GGT6: variants seen among roughly 807,000 people sequenced by gnomAD.
The protein encoded by GGT6 is gamma-glutamyltransferase 6.
In GGT6, 13 loss-of-function variants were observed where a neutral mutation model predicts 17.0. That is an observed-to-expected ratio of 0.77 (90% CI 0.50 to 1.22). The LOEUF is 1.22. Ranked by LOEUF, GGT6 falls within the 50% of genes most tolerant of loss-of-function variation. The probability of loss-of-function intolerance (pLI) is 0.00; values close to 1 mark genes in which losing one functional copy is unlikely to be tolerated. For missense variants in GGT6, 628 were observed against 643.7 expected, an observed-to-expected ratio of 0.98 and a Z score of 0.26; for synonymous variants, 305 against 297.9, an observed-to-expected ratio of 1.02 and a Z score of -0.25.
downstream of GGT6, among the ~76,000 whole-genome samples, chr17:4,556,345 G>A (rs1395689896): frequency 6.6e-6 from 1 of 152,150 alleles, no homozygotes; most frequent in East Asian, 1.9e-4. Flanking sequence ...GGTGGGGTGG[G>A]TGATGGAGTT....
Position 4,558,642 on chromosome 17 carries a change from C to A in GGT6, c.873G>T (p.Glu291Asp). The stretch of plus-strand genomic sequence containing the variant: ...TGGGCCTGGGCACAGCCGAGGGCAC[C>A]TCCACCCCCAGGTCTCCCGCCAGTA... ...LSLLAGDLGV[E>D]VPSAVPRPTL... The change falls in exon 4 of 4, where the codon GAG becomes GAT. Residue 291 changes from glutamate to aspartate, a missense_variant. Glu to Asp is a conservative substitution (Grantham distance 45). Transcript: ENST00000381550. The A allele has an allele frequency of 1.3e-6, 2 of 1,576,404 alleles. No homozygotes were observed. Among genetic ancestry groups the A allele is most frequent in the Non-Finnish European group, 1.7e-6 (2 of 1,161,994 alleles).
In GGT6 at chr17:4,557,780, C is replaced by T. The variant is rs1394094084; in HGVS notation, c.*235G>A. 6.1e-5 allele frequency: 27 copies of T among 443,328 alleles called. No individual in the cohort carries two copies. The highest frequency in any genetic ancestry group is 5.2e-4 in the East Asian group (15 of 28,816). The allele number at this position is 443,328 out of a possible 1,614,324, so 27.5% of individuals were successfully genotyped here. A position where few individuals can be genotyped will look rare whatever the true frequency, so the allele number is the denominator to read the frequency against. On this transcript the variant is annotated 3_prime_UTR_variant, in exon 4 of 4. Transcript: ENST00000381550. The stretch of plus-strand genomic sequence containing the variant: ...AGCTGGGACAACAGGCATGTGCCAC[C>T]GCCCCTGGCAAATTTTTAAATTTTT...
chr17:4,560,266 G>C, intron 1 of GGT6, 116 bp downstream of exon 1: 2 of 1,165,762 alleles, frequency 1.7e-6, no homozygotes, highest in South Asian at 2.8e-5. Context: ...TGACCGTACA[G>C]TGCCTGGAGC....
At chr17:4,560,013 G>A (rs1908525607) in intron 1 of GGT6, 2 of 586,552 alleles carry the variant, frequency 3.4e-6, no homozygotes, top group Non-Finnish European at 6.1e-6. Context: ...ACTCAGGTGG[G>A]AGGGAGGCCC....
chr17:4,556,929 G>T lies in GGT6; in HGVS notation c.*1086C>A, dbSNP rs1349788489. On this transcript the variant is annotated 3_prime_UTR_variant, in exon 4 of 4. Coordinates refer to ENST00000381550, the MANE Select transcript of GGT6 (RefSeq NM_001288702.2). Reference sequence around the variant, plus strand: ...TAACCAAGAAGCAGGAATGGTGCTTGGTTTCCGGGAGACTTGATCTTTATT... The same window carrying T: ...TAACCAAGAAGCAGGAATGGTGCTTTGTTTCCGGGAGACTTGATCTTTATT... 1 of 152,250 alleles carries T rather than the reference G, an allele frequency of 6.6e-6. No individual in the cohort carries two copies. Among genetic ancestry groups the T allele is most frequent in the Non-Finnish European group, 1.5e-5 (1 of 68,066 alleles). 9.4% of individuals were successfully genotyped at this position (152,250 alleles called of 1,614,324 possible). A position where few individuals can be genotyped will look rare whatever the true frequency, so the allele number is the denominator to read the frequency against.
chr17:4,556,677 G>C (rs776427481), downstream of GGT6, among the ~76,000 whole-genome samples: 2 of 152,196 alleles, frequency 1.3e-5, no homozygotes, highest in Non-Finnish European at 2.9e-5. Flanking sequence ...CAAGCCCCTG[G>C]GGCGCCTTCT....
At chr17:4,560,309 A>T in intron 1 of GGT6, 73 bp downstream of exon 1, 1 of 1,572,848 alleles carries the variant, frequency 6.4e-7, no homozygotes, top group Non-Finnish European at 8.7e-7. Flanking sequence ...GGTCCCCCTG[A>T]GGGGCTCCAG....
Position 4,558,413 on chromosome 17 carries a change from C to T in GGT6, c.1102G>A (p.Val368Met). 6.2e-7 allele frequency: 1 copy of T among 1,605,556 alleles called. No individual in the cohort carries two copies. ...TTGAGCGAGGAGGTGAGAAGGAGCA[C>T]AGAGCCGCTGCTGTCCACGGCGGCC... ...ALAAVDSSGS[V>M]LLLTSSLNCS... Residue 368 changes from valine (V) to methionine (M), a missense_variant, in exon 4 of 4, where the codon GTG becomes ATG. Val to Met is a conservative substitution (Grantham distance 21). Transcript: ENST00000381550.
Position 4,558,723 on chromosome 17 carries a change from A to T in GGT6, c.792T>A (p.Leu264=). Residue 264 remains leucine (L), a synonymous_variant, in exon 4 of 4, where the codon CTT becomes CTA. Coordinates refer to ENST00000381550, the MANE Select transcript of GGT6 (RefSeq NM_001288702.2). Reference sequence around the variant, plus strand: ...AGGTGGGAGCGAGGGCTGCGCTGCGAAGCACAGCTGCCAGTTGTGGGTTGG... The same window carrying T: ...AGGTGGGAGCGAGGGCTGCGCTGCGTAGCACAGCTGCCAGTTGTGGGTTGG... ...RATNPQLAAV[L]RSAALAPTSD... is the part of the protein sequence containing the mutation. The T allele has an allele frequency of 6.2e-7, 1 of 1,602,848 alleles. No homozygotes were observed. The highest frequency in any genetic ancestry group is 1.1e-5 in the South Asian group (1 of 89,042).
Position 4,558,666 on chromosome 17 carries a change from T to C in GGT6, c.849A>G (p.Leu283=). ...CCTCCACCCCCAGGTCTCCCGCCAG[T>C]AGACTCAGTAGAGCATCCCCAGCAA... ...SDLAGDALLS[L]LAGDLGVEVP... The change falls in exon 4 of 4, where the codon CTA becomes CTG. Residue 283 remains leucine (L), a synonymous_variant. Transcript: ENST00000381550. 2 of 1,598,040 alleles carry C rather than the reference T, an allele frequency of 1.3e-6. No individual in the cohort carries two copies. The highest frequency in any genetic ancestry group is 1.7e-6 in the Non-Finnish European group (2 of 1,172,188).
rs748987998 is a variant in GGT6 at position 4,560,571 on chromosome 17, G to A, written c.-50C>T. On this transcript the variant is annotated 5_prime_UTR_variant, in exon 1 of 4. Coordinates refer to ENST00000381550, the MANE Select transcript of GGT6 (RefSeq NM_001288702.2). Reference sequence around the variant, plus strand: ...CTCCTGCCTGCCAGCCTTTCCGGCTGTGTCTCAGAGGCCCTGCCCAAGCCT... The same window carrying A: ...CTCCTGCCTGCCAGCCTTTCCGGCTATGTCTCAGAGGCCCTGCCCAAGCCT... 1.0e-5 allele frequency: 16 copies of A among 1,599,750 alleles called. No individual in the cohort carries two copies. The highest frequency in any genetic ancestry group is 1.7e-5 in the Admixed American group (1 of 59,920).
Position 4,558,084 on chromosome 17 carries a change from C to T in GGT6, c.1431G>A (p.Val477=). The change falls in exon 4 of 4, where the codon GTG becomes GTA. Residue 477 remains valine, a synonymous_variant. Coordinates refer to ENST00000381550, the MANE Select transcript of GGT6 (RefSeq NM_001288702.2). ...CATGGGCGTGCTCTGTGTGGGCTGC[C>T]ACCTGGAGCAGGGTCCCTTGGCCAC... is the stretch of plus-strand genomic sequence containing the variant. ...STCGQGTLLQ[V]AAHTEHAHVS... The T allele has an allele frequency of 6.2e-7, 1 of 1,603,140 alleles. No individual in the cohort carries two copies. Among genetic ancestry groups the T allele is most frequent in the Non-Finnish European group, 8.5e-7 (1 of 1,174,024 alleles).
rs543620756 is a variant in GGT6, at chr17:4,560,366, C to T, written c.140+16G>A. On this transcript the variant is annotated intron_variant, in intron 1 of 3. Coordinates refer to ENST00000381550, the MANE Select transcript of GGT6 (RefSeq NM_001288702.2). Reference sequence around the variant, plus strand: ...AAGCCTGGGGAGCCTGGTGCCCAGACCCCTCCCTTACTTACCTGGAAGAGT... The same window carrying T: ...AAGCCTGGGGAGCCTGGTGCCCAGATCCCTCCCTTACTTACCTGGAAGAGT... 5.0e-6 allele frequency: 8 copies of T among 1,614,004 alleles called. No homozygotes were observed. The East Asian group carries it at 1.3e-4, about 27-fold the overall frequency.
chr17:4,558,122 G>C lies in GGT6; in HGVS notation c.1393C>G (p.His465Asp). ...QHQGQQEPTE[H>D]PSTCGQGTLL... The stretch of plus-strand genomic sequence containing the variant: ...GTCCCTTGGCCACAAGTGCTGGGAT[G>C]CTCTGTTGGTTCTTGCTGACCCTGA... Residue 465 changes from histidine (H) to aspartate (D), a missense_variant, in exon 4 of 4, where the codon CAT (histidine) becomes GAT (aspartate). Coordinates refer to ENST00000381550, the MANE Select transcript of GGT6 (RefSeq NM_001288702.2). 1 of 1,613,100 alleles carries C rather than the reference G, an allele frequency of 6.2e-7. No homozygotes were observed. The highest frequency in any genetic ancestry group is 8.5e-7 in the Non-Finnish European group (1 of 1,179,440).
chr17:4,559,372 G>A lies in GGT6; in HGVS notation c.428C>T (p.Ala143Val). The A allele has an allele frequency of 1.3e-6, 2 of 1,551,632 alleles. No individual in the cohort carries two copies. The highest frequency in any genetic ancestry group is 1.7e-6 in the Non-Finnish European group (2 of 1,146,936). Reference protein sequence around the residue: ...DAGVGAALCLAVVHPHATGLG... With the variant: ...DAGVGAALCLVVVHPHATGLG... ...CCCCGTGGCATGAGGATGCACCACT[G>A]CCAGGCACAATGCAGCTCCAACTCC... The change falls in exon 3 of 4, where the codon GCA (alanine) becomes GTA (valine). Residue 143 changes from alanine to valine, a missense_variant. Ala to Val is a moderately conservative substitution (Grantham distance 64, BLOSUM62 0). Coordinates refer to ENST00000381550, the MANE Select transcript of GGT6 (RefSeq NM_001288702.2).
intron 1 of GGT6, 106 bp downstream of exon 1, chr17:4,560,276 C>A: frequency 1.7e-5 from 23 of 1,320,058 alleles, no homozygotes; most frequent in Non-Finnish European, 2.5e-5. Context: ...GTGCCTGGAG[C>A]TAAACCCAGC....
Position 4,559,699 on chromosome 17 carries a change from C to CCAG in GGT6, c.199_201dup (p.Leu67dup). ...CTCACAGCCAGGGAGCAGCCAACAG[C>CCAG]CAGCAGCAGCAGGGCTGCCACTACA... On this transcript the variant is annotated inframe_insertion, in exon 2 of 4. Transcript: ENST00000381550. 1 of 1,610,820 alleles carries CCAG rather than the reference C, an allele frequency of 6.2e-7. No homozygotes were observed. The highest frequency in any genetic ancestry group is 8.5e-7 in the Non-Finnish European group (1 of 1,178,750).
At position 4,557,807 on chromosome 17, in the gene GGT6, G is replaced by T. The variant is rs1016452392; in HGVS notation, c.*208C>A. The T allele has an allele frequency of 6.1e-6, 3 of 492,612 alleles. No homozygotes were observed. Among genetic ancestry groups the T allele is most frequent in the East Asian group, 3.1e-5 (1 of 31,958 alleles). The allele number at this position is 492,612 out of a possible 1,614,324, so 30.5% of individuals were successfully genotyped here. ...CCCCTGGCAAATTTTTAAATTTTTA[G>T]TACAGATGAGATCTTGCTTTGTTGT... On this transcript the variant is annotated 3_prime_UTR_variant, in exon 4 of 4. Coordinates refer to ENST00000381550, the MANE Select transcript of GGT6 (RefSeq NM_001288702.2).
In GGT6 at chr17:4,559,771, G is replaced by A. The variant is rs781489485; in HGVS notation, c.141-11C>T. 2 of 1,608,960 alleles carry A rather than the reference G, an allele frequency of 1.2e-6. No individual in the cohort carries two copies. Among genetic ancestry groups the A allele is most frequent in the East Asian group, 2.2e-5 (1 of 44,864 alleles). On this transcript the variant is annotated splice_polypyrimidine_tract_variant and intron_variant, in intron 1 of 3. Transcript: ENST00000381550. Reference sequence around the variant, plus strand: ...CCGCCAGCCTTGTTCCTGCAGAGGGGGGGTGTCCTGAGCCACGGCTGGGAC... The same window carrying A: ...CCGCCAGCCTTGTTCCTGCAGAGGGAGGGTGTCCTGAGCCACGGCTGGGAC...
Sources: allele counts gnomAD v4.1 joint callset (sites outside exome capture counted in the v4.1 genomes callset), GRCh38; gene constraint gnomAD v4.1.1; transcripts MANE v1.5; gene names NCBI Gene and HGNC (gene_info 2026-07-23, HGNC 2026-07-21).